Variants in INPP4B observed in about 807,000 individuals in gnomAD.
INPP4B encodes the protein inositol polyphosphate 4-phosphatase type II.
Under a neutral mutation model 122.5 loss-of-function variants are expected in INPP4B, and 55 were observed. The observed-to-expected ratio is 0.45, with a 90% confidence interval of 0.36 to 0.56. The LOEUF is 0.56. Ranked by LOEUF, INPP4B falls within the 20% of genes least tolerant of loss-of-function variation. The pLI, the probability that INPP4B is intolerant of heterozygous loss-of-function variation, is 0.00. For missense variants in INPP4B, 1,000 were observed against 1,097.7 expected, an observed-to-expected ratio of 0.91 and a Z score of 1.26; for synonymous variants, 403 against 388.7, an observed-to-expected ratio of 1.04 and a Z score of -0.43.
intron 11 of INPP4B, among the ~76,000 whole-genome samples, chr4:142,254,575 G>C (rs1038549636): frequency 6.6e-6 from 1 of 152,180 alleles, no homozygotes; most frequent in Non-Finnish European, 1.5e-5. Context: ...CTCATGAGCC[G>C]AGGAGATCAA....
chr4:142,579,720 C>G (rs1734592684), intron 2 of INPP4B, among the ~76,000 whole-genome samples: 1 of 151,642 alleles, frequency 6.6e-6, no homozygotes, highest in South Asian at 2.1e-4. Context: ...TCGTGACTGC[C>G]AGCCTTCAGA....
At chr4:142,423,220 T>C (rs1317663393) in intron 5 of INPP4B, among the ~76,000 whole-genome samples, 2 of 152,026 alleles carry the variant, frequency 1.3e-5, no homozygotes, top group Admixed American at 6.6e-5. Context: ...GAAAAACATA[T>C]AAAACAATGC....
At chr4:142,228,996 T>G (rs2149811669) in intron 12 of INPP4B, among the ~76,000 whole-genome samples, 1 of 151,878 alleles carries the variant, frequency 6.6e-6, no homozygotes, top group Non-Finnish European at 1.5e-5. Context: ...TGATGCAAAC[T>G]TTTTAGAGGC....
intron 1 of INPP4B, among the ~76,000 whole-genome samples, chr4:142,821,310 T>G (rs1561107782): frequency 6.6e-6 from 1 of 152,118 alleles, no homozygotes; most frequent in Non-Finnish European, 1.5e-5. Context: ...AGCAGTTAGA[T>G]TTATATTTTA....
At chr4:142,761,683 A>G (rs1771366662) in intron 1 of INPP4B, among the ~76,000 whole-genome samples, 2 of 152,210 alleles carry the variant, frequency 1.3e-5, no homozygotes, top group Non-Finnish European at 2.9e-5. Flanking sequence ...TATTTTACAC[A>G]TTGACAGAAA....
intron 5 of INPP4B, among the ~76,000 whole-genome samples, chr4:142,423,267 G>A (rs2149322867): frequency 6.6e-6 from 1 of 152,168 alleles, no homozygotes; most frequent in East Asian, 1.9e-4. Flanking sequence ...GAATGGACCT[G>A]ACATTCAGGT....
chr4:142,461,461 T>C (rs1816717399), intron 3 of INPP4B, among the ~76,000 whole-genome samples: 1 of 152,224 alleles, frequency 6.6e-6, no homozygotes, highest in Admixed American at 6.5e-5. Context: ...CCAGTTGTTC[T>C]TGATACCTGA....
intron 2 of INPP4B, among the ~76,000 whole-genome samples, chr4:142,669,209 G>A (rs1316387823): frequency 1.3e-5 from 2 of 152,036 alleles, no homozygotes; most frequent in African/African-American, 4.8e-5. Flanking sequence ...TCTTTGATTG[G>A]AAGAATTAAC....
Position 142,045,879 on chromosome 4 carries a change from C to T in INPP4B, c.2643-16965G>A, listed in dbSNP as rs369519200. ...TTATATTCTAGTCAAAAAGGCAGAC[C>T]GTAAGCAAACAAATATACATTTTAT... On this transcript the variant is annotated intron_variant, in intron 25 of 25. Transcript: ENST00000262992. 6.9e-4 allele frequency among the ~76,000 whole-genome samples: 105 copies of T among 151,966 alleles called. 2 individuals carry two copies. The South Asian group carries it at 0.018, about 25-fold the overall frequency.
At chr4:142,684,289 G>C (rs1271035011) in intron 2 of INPP4B, among the ~76,000 whole-genome samples, 1 of 151,970 alleles carries the variant, frequency 6.6e-6, no homozygotes, top group Non-Finnish European at 1.5e-5. Flanking sequence ...CACAATATGG[G>C]CCTTACCGAA....
intron 2 of INPP4B, among the ~76,000 whole-genome samples, chr4:142,526,968 T>C (rs547398003): frequency 6.6e-6 from 1 of 152,212 alleles, no homozygotes; most frequent in East Asian, 1.9e-4. Flanking sequence ...TGTGAAATTA[T>C]GATTCTTCAC....
chr4:142,235,676 T>A (rs979791112), intron 12 of INPP4B, among the ~76,000 whole-genome samples: 44 of 152,286 alleles, frequency 2.9e-4, no homozygotes, highest in African/African-American at 9.9e-4. Context: ...CCACCTGCCT[T>A]GGCCTCCCAA....
chr4:142,777,616 T>C (rs1774134574), intron 1 of INPP4B, among the ~76,000 whole-genome samples: 1 of 152,186 alleles, frequency 6.6e-6, no homozygotes, highest in Non-Finnish European at 1.5e-5. Flanking sequence ...CATGTGTTGT[T>C]TCAAGTCACT....
At chr4:142,267,374 C>T (rs1743324298) in intron 10 of INPP4B, among the ~76,000 whole-genome samples, 1 of 152,082 alleles carries the variant, frequency 6.6e-6, no homozygotes, top group East Asian at 1.9e-4. Flanking sequence ...ACACATTGAC[C>T]GATGGAACAG....
At position 142,414,819 on chromosome 4, in the gene INPP4B, T is replaced by C. The variant is rs78549135; in HGVS notation, c.137-9495A>G. 3.9e-3 allele frequency among the ~76,000 whole-genome samples: 596 copies of C among 152,356 alleles called. 3 individuals carry two copies. The highest frequency in any genetic ancestry group is 0.013 in the African/African-American group (552 of 41,586). Reference sequence around the variant, plus strand: ...CTATCGTTGCATTCAGACTTGGCTCTTTTTGTGCATGCTCCAAATCCAAGT... The same window carrying C: ...CTATCGTTGCATTCAGACTTGGCTCCTTTTGTGCATGCTCCAAATCCAAGT... On this transcript the variant is annotated intron_variant, in intron 5 of 25. Transcript: ENST00000262992.
At chr4:142,569,619 A>G (rs753396404) in intron 2 of INPP4B, among the ~76,000 whole-genome samples, 5 of 152,110 alleles carry the variant, frequency 3.3e-5, no homozygotes, top group Non-Finnish European at 7.4e-5. Flanking sequence ...TTTCTCTGCA[A>G]TGTAGTTGTA....
chr4:142,059,360 A>G (rs558097972), intron 25 of INPP4B, among the ~76,000 whole-genome samples: 19 of 151,804 alleles, frequency 1.3e-4, no homozygotes, highest in Non-Finnish European at 2.4e-4. Flanking sequence ...TTGCCTAATC[A>G]CTCCCTTATT....
intron 2 of INPP4B, among the ~76,000 whole-genome samples, chr4:142,667,345 C>T (rs1756264658): frequency 6.6e-6 from 1 of 152,188 alleles, no homozygotes; most frequent in Non-Finnish European, 1.5e-5. Flanking sequence ...TTGGAGGCTG[C>T]TTCCACCATC....
chr4:142,319,078 C>T (rs1037433876), intron 7 of INPP4B, among the ~76,000 whole-genome samples: 2 of 152,126 alleles, frequency 1.3e-5, no homozygotes, highest in Admixed American at 1.3e-4. Context: ...GCCTGAAATG[C>T]TAGGAGTCTG....
Sources: allele counts gnomAD v4.1 joint callset (sites outside exome capture counted in the v4.1 genomes callset), GRCh38; gene constraint gnomAD v4.1.1; transcripts MANE v1.5; gene names NCBI Gene and HGNC (gene_info 2026-07-23, HGNC 2026-07-21).